SCHIP1: variants seen among roughly 807,000 people sequenced by gnomAD.
SCHIP1 encodes the protein schwannomin-interacting protein 1.
A neutral mutation model predicts 29.7 loss-of-function variants in SCHIP1; 8 were observed. The observed-to-expected ratio is 0.27, with a 90% CI of 0.16 to 0.49. The LOEUF is 0.49. Among genes scored for constraint, SCHIP1 ranks in the 20% least tolerant of loss-of-function variants. SCHIP1 has a pLI of 0.99. For missense variants in SCHIP1, 193 were observed against 294.6 expected (o/e 0.66, Z 2.52); for synonymous variants, 76 against 94.9 (o/e 0.80, Z 1.16).
At chr3:159,517,867 A>C in the SCHIP1 span, among the ~76,000 whole-genome samples, 1 of 152,116 alleles carries the variant, frequency 6.6e-6, no homozygotes. Context: ...CTAGTGGAAG[A>C]GATTTTAAAA....
chr3:159,706,080 A>G, the SCHIP1 span, among the ~76,000 whole-genome samples: 1 of 152,144 alleles, frequency 6.6e-6, no homozygotes, highest in Admixed American at 6.5e-5. Context: ...AAGCTGAGAT[A>G]ACTAATTATA....
chr3:159,493,080 C>T, the SCHIP1 span, among the ~76,000 whole-genome samples: 1 of 152,156 alleles, frequency 6.6e-6, no homozygotes, highest in Non-Finnish European at 1.5e-5. Context: ...CAGGCCTGCC[C>T]TAAAAGAGCT....
At chr3:159,728,002 GT>G in the SCHIP1 span, among the ~76,000 whole-genome samples, 147 of 124,992 alleles carry the variant, frequency 1.2e-3, no homozygotes, top group East Asian at 1.6e-3. Context: ...TCCTGTTTTT[GT>G]TTTTTTTTTT....
the SCHIP1 span, among the ~76,000 whole-genome samples, chr3:159,391,175 T>A: frequency 1.3e-5 from 2 of 152,212 alleles, no homozygotes; most frequent in Admixed American, 1.3e-4. Flanking sequence ...ATAGTGGACA[T>A]GTTTCTACTG....
At chr3:159,594,401 ATAAAG>A in the SCHIP1 span, among the ~76,000 whole-genome samples, 372 of 152,318 alleles carry the variant, frequency 2.4e-3, 1 homozygote, top group Non-Finnish European at 4.2e-3. Context: ...GCCTGTTAAG[ATAAAG>A]TAAAGTCAAT....
chr3:159,764,758 G>T, the SCHIP1 span: 8 of 1,572,604 alleles, frequency 5.1e-6, no homozygotes, highest in East Asian at 2.4e-5. This position sits in a 1 kb window ranked among gnomAD's most constrained non-coding sequence, Gnocchi z 6.1. Flanking sequence ...GGACGTAAGC[G>T]CCAGGACCCG....
chr3:159,408,436 G>C, the SCHIP1 span, among the ~76,000 whole-genome samples: 1 of 150,348 alleles, frequency 6.7e-6, no homozygotes, highest in East Asian at 1.9e-4. Flanking sequence ...CACTCTAAGA[G>C]AAAGAGAGAA....
At chr3:159,349,427 T>C in the SCHIP1 span, among the ~76,000 whole-genome samples, 1 of 152,228 alleles carries the variant, frequency 6.6e-6, no homozygotes, top group East Asian at 1.9e-4. Context: ...ATTAATTCTG[T>C]GTGCAATTTT....
chr3:159,804,673 C>T, the SCHIP1 span, among the ~76,000 whole-genome samples: 16 of 152,192 alleles, frequency 1.1e-4, no homozygotes, highest in Non-Finnish European at 2.1e-4. Flanking sequence ...ACTTGAGATG[C>T]CTTCAGTCAG....
the SCHIP1 span, among the ~76,000 whole-genome samples, chr3:159,381,067 C>A: frequency 6.6e-6 from 1 of 152,102 alleles, no homozygotes; most frequent in Non-Finnish European, 1.5e-5. Flanking sequence ...CAAGGAGATG[C>A]TTAATTTACT....
the SCHIP1 span, among the ~76,000 whole-genome samples, chr3:159,680,684 T>TATACATATATA: frequency 6.7e-3 from 466 of 69,408 alleles, 19 homozygotes; most frequent in African/African-American, 0.032. Flanking sequence ...ATATATAATA[T>TATACATATATA]ATGTATATAT....
the SCHIP1 span, among the ~76,000 whole-genome samples, chr3:159,510,540 C>A: frequency 3.3e-5 from 5 of 152,322 alleles, no homozygotes; most frequent in Middle Eastern, 3.4e-3. Context: ...GGAGGAGAGG[C>A]GCTCTGATTT....
chr3:159,850,459 T>C (rs961213643), intron 1 of SCHIP1, among the ~76,000 whole-genome samples: 10 of 143,678 alleles, frequency 7.0e-5, no homozygotes, highest in Non-Finnish European at 1.3e-4. Context: ...GAGGCTGAAA[T>C]CGAAGAATCA....
At chr3:159,485,320 AAAT>A in the SCHIP1 span, among the ~76,000 whole-genome samples, 1 of 152,186 alleles carries the variant, frequency 6.6e-6, no homozygotes, top group African/African-American at 2.4e-5. Context: ...ATGTTCAGTA[AAAT>A]AAGAAAAACA....
At chr3:159,407,171 C>T in the SCHIP1 span, among the ~76,000 whole-genome samples, 4,014 of 152,048 alleles carry the variant, frequency 0.026, 185 homozygotes, top group African/African-American at 0.093. Flanking sequence ...TAAAGATATA[C>T]ATAAACCAAA....
At chr3:159,295,961 AAAG>A in the SCHIP1 span, among the ~76,000 whole-genome samples, 1 of 152,224 alleles carries the variant, frequency 6.6e-6, no homozygotes, top group Non-Finnish European at 1.5e-5. Context: ...GGTTAAATGT[AAAG>A]AAGAAACAAG....
the SCHIP1 span, among the ~76,000 whole-genome samples, chr3:159,500,712 CAA>C: frequency 7.7e-5 from 10 of 129,038 alleles, no homozygotes; most frequent in Admixed American, 8.1e-5. Context: ...GACTCTGTCT[CAA>C]AAAAAAAAAA....
chr3:159,456,989 C>T, the SCHIP1 span, among the ~76,000 whole-genome samples: 13 of 152,124 alleles, frequency 8.5e-5, no homozygotes, highest in African/African-American at 1.2e-4. Flanking sequence ...ATCTAATTAG[C>T]GTGGCAAAAT....
At chr3:159,889,018 A>C (rs901829504) in intron 5 of SCHIP1, 75 bp downstream of exon 6, 8 of 1,504,066 alleles carry the variant, frequency 5.3e-6, no homozygotes, top group African/African-American at 1.4e-5. Context: ...CCTTGGTCCA[A>C]CTTTTTCATA....
Sources: gnomAD v4.1 joint callset for allele counts (sites outside exome capture counted in the v4.1 genomes callset) on GRCh38, gnomAD v4.1.1 for gene constraint, Gnocchi (gnomAD v3.1) non-coding constraint, MANE v1.5 for transcripts, NCBI Gene and HGNC (gene_info 2026-07-23, HGNC 2026-07-21) for gene names.